QTMAN: variants seen among roughly 807,000 people sequenced by gnomAD.
QTMAN encodes the protein tRNA-queuosine alpha-mannosyltransferase.
At chr2:144,068,627 G>C in the QTMAN span, among the ~76,000 whole-genome samples, 2 of 152,208 alleles carry the variant, frequency 1.3e-5, no homozygotes, top group Non-Finnish European at 2.9e-5. Flanking sequence ...TCTGCTTTAA[G>C]TGTGAAAACA....
chr2:144,006,288 T>C, the QTMAN span: 1 of 152,080 alleles, frequency 6.6e-6, no homozygotes, highest in Non-Finnish European at 1.5e-5. Flanking sequence ...GGAGAGCTTC[T>C]AGAGTTTTAA....
the QTMAN span, among the ~76,000 whole-genome samples, chr2:143,958,671 T>C: frequency 2.6e-5 from 4 of 152,194 alleles, no homozygotes; most frequent in Middle Eastern, 3.4e-3. Flanking sequence ...CTTTGTGCTA[T>C]GGTTGAGCCC....
chr2:144,014,490 G>T, the QTMAN span, among the ~76,000 whole-genome samples: 9 of 152,042 alleles, frequency 5.9e-5, no homozygotes, highest in Non-Finnish European at 1.3e-4. Context: ...GATAAGATAG[G>T]AAAAACAGGA....
the QTMAN span, among the ~76,000 whole-genome samples, chr2:144,102,071 T>C: frequency 6.6e-6 from 1 of 152,236 alleles, no homozygotes; most frequent in Non-Finnish European, 1.5e-5. Context: ...TAAACAATAC[T>C]AAGTGAGACT....
chr2:144,091,057 T>C, the QTMAN span, among the ~76,000 whole-genome samples: 1 of 152,032 alleles, frequency 6.6e-6, no homozygotes, highest in South Asian at 2.1e-4. Flanking sequence ...ACACACTCCA[T>C]TGATTTTCAA....
chr2:144,066,822 G>T, the QTMAN span, among the ~76,000 whole-genome samples: 1 of 152,148 alleles, frequency 6.6e-6, no homozygotes, highest in Non-Finnish European at 1.5e-5. Context: ...TCCAATCAGA[G>T]CAAACTGCTT....
the QTMAN span, among the ~76,000 whole-genome samples, chr2:144,087,757 A>G: frequency 1 from 151,784 of 152,224 alleles, 75,676 homozygotes; most frequent in South Asian, 1. Context: ...AAGTCCTTTC[A>G]TTATAAAAAC....
the QTMAN span, among the ~76,000 whole-genome samples, chr2:143,988,003 T>A: frequency 3.9e-5 from 6 of 151,978 alleles, no homozygotes; most frequent in Admixed American, 3.3e-4. Context: ...GGAGAATCAG[T>A]TTGATGGAAG....
At chr2:144,169,296 T>C in the QTMAN span, among the ~76,000 whole-genome samples, 1 of 152,204 alleles carries the variant, frequency 6.6e-6, no homozygotes, top group East Asian at 1.9e-4. Context: ...TCAGAGACAA[T>C]TTGTTTATTT....
chr2:143,945,181 G>T, the QTMAN span: 3 of 152,174 alleles, frequency 2.0e-5, no homozygotes, highest in Admixed American at 6.5e-5. Flanking sequence ...AAGTGGCAAA[G>T]AATTTCTTAT....
At chr2:144,078,364 G>C in the QTMAN span, among the ~76,000 whole-genome samples, 3 of 152,342 alleles carry the variant, frequency 2.0e-5, no homozygotes, top group African/African-American at 7.2e-5. Flanking sequence ...ACTGTCTGAA[G>C]ACAGAAACAT....
At chr2:144,169,966 T>C in the QTMAN span, among the ~76,000 whole-genome samples, 2 of 152,152 alleles carry the variant, frequency 1.3e-5, no homozygotes, top group African/African-American at 2.4e-5. Flanking sequence ...TTGAATATCT[T>C]ACCCCAGTTT....
the QTMAN span, among the ~76,000 whole-genome samples, chr2:143,987,616 T>C: frequency 5.3e-5 from 8 of 152,184 alleles, no homozygotes; most frequent in Non-Finnish European, 1.5e-5. Flanking sequence ...AGGATAATAT[T>C]TGAAGTATTA....
At chr2:144,312,447 T>C in the QTMAN span, among the ~76,000 whole-genome samples, 1 of 152,288 alleles carries the variant, frequency 6.6e-6, no homozygotes, top group South Asian at 2.1e-4. Context: ...CCTCCCACCA[T>C]GACCACTTGC....
At chr2:144,108,310 A>C in the QTMAN span, among the ~76,000 whole-genome samples, 1 of 152,166 alleles carries the variant, frequency 6.6e-6, no homozygotes, top group Non-Finnish European at 1.5e-5. Context: ...AGAGGAAGTC[A>C]AATTGTTCCT....
the QTMAN span, among the ~76,000 whole-genome samples, chr2:144,314,531 T>C: frequency 6.6e-6 from 1 of 152,018 alleles, no homozygotes; most frequent in Non-Finnish European, 1.5e-5. Context: ...GCTAACACAG[T>C]GAAACTCCGT....
At chr2:144,153,777 A>G in the QTMAN span, among the ~76,000 whole-genome samples, 1 of 152,228 alleles carries the variant, frequency 6.6e-6, no homozygotes. Context: ...GGAATCCTTT[A>G]ATCACCATAA....
the QTMAN span, among the ~76,000 whole-genome samples, chr2:144,281,850 A>AT: frequency 2.1e-4 from 32 of 151,654 alleles, no homozygotes; most frequent in Admixed American, 2.6e-4. Context: ...TCAGAAAATA[A>AT]TTTTTTTTTC....
chr2:144,153,227 A>G, the QTMAN span, among the ~76,000 whole-genome samples: 272 of 152,320 alleles, frequency 1.8e-3, 2 homozygotes, highest in Non-Finnish European at 3.3e-3. Context: ...CTGCATGTTC[A>G]TTATTATACT....
Sources: gnomAD v4.1 joint callset for allele counts (sites outside exome capture counted in the v4.1 genomes callset) on GRCh38, gnomAD v4.1.1 for gene constraint, MANE v1.5 for transcripts, NCBI Gene and HGNC (gene_info 2026-07-23, HGNC 2026-07-21) for gene names.